The following NAALADL2 variants were observed in gnomAD, a reference collection of about 807,000 sequenced individuals.
NAALADL2 encodes the protein N-acetylated alpha-linked acidic dipeptidase like 2.
A neutral mutation model predicts 87.2 loss-of-function variants in NAALADL2; 76 were observed. That is an observed-to-expected ratio of 0.87 (90% CI 0.72 to 1.05). The LOEUF is 1.05. NAALADL2 is among the 50% of genes least tolerant of loss of function. NAALADL2 has a pLI of 0.00. For synonymous variants in NAALADL2, 354 were observed against 331.0 expected (o/e 1.07, Z -0.75); for missense variants, 1,089 against 945.8 (o/e 1.15, Z -1.99).
At chr3:175,246,023 C>A (rs1344167119) in intron 3 of NAALADL2, among the ~76,000 whole-genome samples, 1 of 152,108 alleles carries the variant, frequency 6.6e-6, no homozygotes, top group African/African-American at 2.4e-5. Context: ...TCCTTCAATA[C>A]ATTGTGGTCT....
At chr3:175,748,227 GTTGT>G (rs534508963) in intron 12 of NAALADL2, among the ~76,000 whole-genome samples, 8 of 152,054 alleles carry the variant, frequency 5.3e-5, no homozygotes, top group African/African-American at 7.2e-5. Flanking sequence ...CACTACCTGA[GTTGT>G]TTGTTTAACA....
chr3:174,610,987 A>G (rs1441240651), intron 2 of NAALADL2, among the ~76,000 whole-genome samples: 22 of 152,134 alleles, frequency 1.4e-4, no homozygotes, highest in Admixed American at 1.4e-3. Flanking sequence ...ATGCAGCCAT[A>G]AAAAAGGATG....
intron 11 of NAALADL2, among the ~76,000 whole-genome samples, chr3:175,669,821 T>C (rs982947332): frequency 6.6e-6 from 1 of 152,002 alleles, no homozygotes; most frequent in Admixed American, 6.6e-5. Flanking sequence ...TCACTATTGA[T>C]AATTTCATTA....
At chr3:174,520,519 T>G (rs1291598184) in intron 1 of NAALADL2, among the ~76,000 whole-genome samples, 5 of 152,020 alleles carry the variant, frequency 3.3e-5, no homozygotes, top group Non-Finnish European at 5.9e-5. Flanking sequence ...TACAGAAAAA[T>G]GAAACTGAAC....
chr3:174,760,527 G>T (rs1314913549), intron 3 of NAALADL2, among the ~76,000 whole-genome samples: 13 of 152,242 alleles, frequency 8.5e-5, no homozygotes, highest in African/African-American at 2.9e-4. Flanking sequence ...TCTTTGATTT[G>T]TTTTTAGATT....
At chr3:174,650,129 C>G (rs982696876) in intron 2 of NAALADL2, among the ~76,000 whole-genome samples, 5 of 151,868 alleles carry the variant, frequency 3.3e-5, no homozygotes, top group African/African-American at 1.2e-4. Context: ...TAAACTTTAC[C>G]TTCAGATGAT....
rs548230947 is a variant in NAALADL2 at position 174,618,838 on chromosome 3, A to G, written c.-115+68201A>G. Among the ~76,000 whole-genome samples, 21 of 152,044 alleles carry G rather than the reference A, an allele frequency of 1.4e-4. No individual in the cohort carries two copies. The South Asian group carries it at 4.3e-3, about 31-fold the overall frequency. ...TATAACTGTTTAAAGAAAAGTATAC[A>G]TTATCTTAAGTAATTGTAACAACTT... On this transcript the variant is annotated intron_variant, in intron 2 of 3. Coordinates refer to the NAALADL2 transcript ENST00000434257.
intron 5 of NAALADL2, among the ~76,000 whole-genome samples, chr3:175,357,802 T>C (rs991878712): frequency 1.3e-5 from 2 of 152,200 alleles, no homozygotes. Flanking sequence ...GGTTCTACTT[T>C]ATACCTTAAG....
intron 1 of NAALADL2, among the ~76,000 whole-genome samples, chr3:175,090,773 T>C (rs892085183): frequency 6.6e-6 from 1 of 152,188 alleles, no homozygotes; most frequent in Non-Finnish European, 1.5e-5. Flanking sequence ...CACTGACTAA[T>C]TTATTTTTCT....
At chr3:174,473,070 C>G (rs1049810493) in intron 1 of NAALADL2, among the ~76,000 whole-genome samples, 1 of 152,004 alleles carries the variant, frequency 6.6e-6, no homozygotes, top group Non-Finnish European at 1.5e-5. Context: ...GTGTTTAAAC[C>G]CTGATACGTC....
rs561303009 is a variant in NAALADL2, at chr3:175,474,670, C to G, written c.1653+2912C>G. ...ACGGCATCTCTGTCACAGTCACGCT[C>G]TCAGCATCACACAACTGCTGCTGGC... is the stretch of plus-strand genomic sequence containing the variant. On this transcript the variant is annotated intron_variant, in intron 9 of 13. Transcript: ENST00000454872. Among the ~76,000 whole-genome samples, 4 of 152,260 alleles carry G rather than the reference C, an allele frequency of 2.6e-5. No homozygotes were observed. In the East Asian group the frequency reaches 7.7e-4, roughly 29 times the overall value.
intron 4 of NAALADL2, among the ~76,000 whole-genome samples, chr3:175,308,887 C>G (rs1225835801): frequency 1.3e-5 from 2 of 152,162 alleles, no homozygotes; most frequent in Non-Finnish European, 2.9e-5. Flanking sequence ...TCTTTCTGTT[C>G]TTAATTGAAT....
chr3:175,655,276 TA>T (rs1348585711), intron 11 of NAALADL2, among the ~76,000 whole-genome samples: 1 of 152,154 alleles, frequency 6.6e-6, no homozygotes. Flanking sequence ...TATCATAAAA[TA>T]GGTGAGTATC....
intron 1 of NAALADL2, among the ~76,000 whole-genome samples, chr3:175,013,798 G>A (rs1402503746): frequency 6.6e-6 from 1 of 151,930 alleles, no homozygotes; most frequent in African/African-American, 2.4e-5. Flanking sequence ...TTGGGACCAG[G>A]GGAGGTTTTC....
intron 2 of NAALADL2, among the ~76,000 whole-genome samples, chr3:174,603,984 T>C (rs1442184541): frequency 1.3e-5 from 2 of 152,300 alleles, no homozygotes; most frequent in East Asian, 3.9e-4. Flanking sequence ...ACCTTACATA[T>C]GGTCTATCCT....
At chr3:175,559,162 CAG>C (rs1715848519) in intron 9 of NAALADL2, among the ~76,000 whole-genome samples, 1 of 151,918 alleles carries the variant, frequency 6.6e-6, no homozygotes, top group African/African-American at 2.4e-5. Flanking sequence ...TAATAATTCA[CAG>C]ATATTAATTT....
At chr3:175,250,680 C>A (rs554107746) in intron 3 of NAALADL2, among the ~76,000 whole-genome samples, 19 of 152,192 alleles carry the variant, frequency 1.2e-4, no homozygotes, top group South Asian at 1.0e-3. Flanking sequence ...TCCTTGAATT[C>A]TAGTCATATA....
At chr3:174,454,561 A>G (rs1478389587) in intron 1 of NAALADL2, among the ~76,000 whole-genome samples, 2 of 152,208 alleles carry the variant, frequency 1.3e-5, no homozygotes, top group East Asian at 1.9e-4. Flanking sequence ...AGCAGCAGAA[A>G]ATTAGAAATC....
chr3:175,751,705 C>T (rs916297504), intron 12 of NAALADL2, among the ~76,000 whole-genome samples: 2 of 152,014 alleles, frequency 1.3e-5, no homozygotes, highest in South Asian at 4.1e-4. Context: ...TGTATTAACT[C>T]GCTCTGAGAG....
Sources: allele counts gnomAD v4.1 joint callset (sites outside exome capture counted in the v4.1 genomes callset), GRCh38; gene constraint gnomAD v4.1.1; transcripts MANE v1.5; gene names NCBI Gene and HGNC (gene_info 2026-07-23, HGNC 2026-07-21).